ARHGAP10: variants seen among roughly 807,000 people sequenced by gnomAD.
The protein encoded by ARHGAP10 is rho GTPase-activating protein 10.
ARHGAP10 carries 87 observed loss-of-function variants against 108.6 expected under a neutral mutation model. The observed-to-expected ratio is 0.80, with a 90% CI of 0.67 to 0.96. The LOEUF (loss-of-function observed/expected upper bound fraction) is 0.96, where lower values mean the gene tolerates loss of function less well. ARHGAP10 is among the 40% of genes least tolerant of loss of function. ARHGAP10 has a pLI of 0.00. For missense variants in ARHGAP10, 939 were observed against 954.5 expected, an observed-to-expected ratio of 0.98 and a Z score of 0.21; for synonymous variants, 347 against 341.1, an observed-to-expected ratio of 1.02 and a Z score of -0.19.
At chr4:148,032,809 C>T (rs1203852700) in intron 19 of ARHGAP10, among the ~76,000 whole-genome samples, 1 of 152,070 alleles carries the variant, frequency 6.6e-6, no homozygotes, top group Non-Finnish European at 1.5e-5. Flanking sequence ...GGTGTAAGTC[C>T]AGGAGTCCAA....
At chr4:147,733,962 T>G (rs1433846933) in intron 1 of ARHGAP10, among the ~76,000 whole-genome samples, 1 of 151,466 alleles carries the variant, frequency 6.6e-6, no homozygotes, top group African/African-American at 2.4e-5. Context: ...GGTTGAGGGC[T>G]CTCCAGGCCC....
Position 148,010,337 on chromosome 4 carries a change from C to A in ARHGAP10, c.1717-12926C>A, listed in dbSNP as rs553413636. ...TTTAAATAGCAATGAACATTATGAT[C>A]TTGTGTCCTTTTATTAGTAATATTG... On this transcript the variant is annotated intron_variant, in intron 18 of 22. Coordinates refer to ENST00000336498, the MANE Select transcript of ARHGAP10 (RefSeq NM_024605.4). Among the ~76,000 whole-genome samples, 9 of 152,260 alleles carry A rather than the reference C, an allele frequency of 5.9e-5. No individual in the cohort carries two copies. The South Asian group carries it at 1.9e-3, about 32-fold the overall frequency.
chr4:147,909,653 T>A, intron 11 of ARHGAP10, 79 bp from the exon 12 acceptor site: 1 of 1,188,862 alleles, frequency 8.4e-7, no homozygotes, highest in African/African-American at 1.5e-5. Context: ...TTTTTTTTTG[T>A]ATGGTCCTCA....
intron 1 of ARHGAP10, among the ~76,000 whole-genome samples, chr4:147,742,549 T>C (rs1728724873): frequency 8.1e-6 from 1 of 123,622 alleles, no homozygotes; most frequent in Non-Finnish European, 1.6e-5. Flanking sequence ...AATGGCACAA[T>C]CTCGACTCAC....
intron 13 of ARHGAP10, among the ~76,000 whole-genome samples, chr4:147,921,115 G>T (rs921238632): frequency 2.6e-5 from 4 of 152,230 alleles, no homozygotes; most frequent in African/African-American, 9.6e-5. Context: ...ACTGATTCTG[G>T]ATAATAGGTT....
intron 3 of ARHGAP10, among the ~76,000 whole-genome samples, chr4:147,845,252 C>A (rs1733585131): frequency 6.6e-6 from 1 of 152,162 alleles, no homozygotes; most frequent in Admixed American, 6.5e-5. Context: ...TAATGCATTC[C>A]TCACTGTACT....
chr4:147,872,340 AAAAATTCAC>A (rs1249422280), intron 7 of ARHGAP10, among the ~76,000 whole-genome samples: 1 of 152,216 alleles, frequency 6.6e-6, no homozygotes, highest in Non-Finnish European at 1.5e-5. Flanking sequence ...CTGTCTGGGA[AAAAATTCAC>A]AAATTTGGAA....
chr4:147,953,044 GTTTTC>G (rs1738668986), intron 15 of ARHGAP10, among the ~76,000 whole-genome samples: 1 of 151,706 alleles, frequency 6.6e-6, no homozygotes, highest in Non-Finnish European at 1.5e-5. Flanking sequence ...TGATCATACA[GTTTTC>G]TTTTCATTTG....
chr4:147,912,031 GTGTGTGTGTA>G (rs1736764688), intron 12 of ARHGAP10, among the ~76,000 whole-genome samples: 1 of 96,910 alleles, frequency 1.0e-5, no homozygotes, highest in Non-Finnish European at 2.7e-5. Flanking sequence ...GTGTGTGTGT[GTGTGTGTGTA>G]TAGTTTTCTT....
intron 1 of ARHGAP10, among the ~76,000 whole-genome samples, chr4:147,784,325 T>C (rs1730711981): frequency 7.3e-6 from 1 of 136,754 alleles, no homozygotes; most frequent in Non-Finnish European, 1.5e-5. Flanking sequence ...TATTACATAA[T>C]TTACATAACA....
At chr4:147,888,080 A>G (rs963267162) in intron 10 of ARHGAP10, among the ~76,000 whole-genome samples, 1 of 151,988 alleles carries the variant, frequency 6.6e-6, no homozygotes, top group African/African-American at 2.4e-5. Flanking sequence ...ACTTGCTTCA[A>G]GGACATCACA....
intron 3 of ARHGAP10, among the ~76,000 whole-genome samples, chr4:147,826,330 C>T (rs768916702): frequency 6.6e-6 from 1 of 152,202 alleles, no homozygotes; most frequent in Non-Finnish European, 1.5e-5. Context: ...TAAGCTCCAG[C>T]TGTGATGGAG....
chr4:147,925,311 G>A (rs970216834), intron 13 of ARHGAP10, among the ~76,000 whole-genome samples: 1 of 152,172 alleles, frequency 6.6e-6, no homozygotes, highest in African/African-American at 2.4e-5. Context: ...GAGAGGCAGA[G>A]GGCAGCAGCG....
chr4:147,779,475 G>T (rs577739655), intron 1 of ARHGAP10, among the ~76,000 whole-genome samples: 42 of 147,056 alleles, frequency 2.9e-4, no homozygotes, highest in African/African-American at 1.0e-3. Flanking sequence ...GGGTCCTGAG[G>T]GGGGAAAGCA....
At chr4:147,775,501 C>A (rs1350029076) in intron 1 of ARHGAP10, among the ~76,000 whole-genome samples, 1 of 152,164 alleles carries the variant, frequency 6.6e-6, no homozygotes, top group Non-Finnish European at 1.5e-5. Context: ...GCCTATCAAG[C>A]CTTGCTCTCA....
chr4:147,757,642 C>T (rs1707098958), intron 1 of ARHGAP10, among the ~76,000 whole-genome samples: 2 of 152,316 alleles, frequency 1.3e-5, no homozygotes, highest in Middle Eastern at 6.8e-3. Flanking sequence ...TCTGCTTCCT[C>T]TGAACATTGG....
intron 1 of ARHGAP10, among the ~76,000 whole-genome samples, chr4:147,817,299 G>A (rs17023896): frequency 6.6e-6 from 1 of 152,064 alleles, no homozygotes; most frequent in African/African-American, 2.4e-5. Context: ...GGGTTATCCT[G>A]CACTGACAGT....
Position 147,866,768 on chromosome 4 carries a change from C to T in ARHGAP10, c.654C>T (p.Ala218=). Residue 218 remains alanine, a synonymous_variant, in exon 7 of 23, where the codon GCC becomes GCT. Transcript: ENST00000336498. ...FTFYHQGHEL[A]KDFNHYKMEL... is the part of the protein sequence containing the mutation. Reference sequence around the variant, plus strand: ...TCTATCATCAGGGCCATGAACTTGCCAAAGACTTCAATCACTACAAAATGG... The same window carrying T: ...TCTATCATCAGGGCCATGAACTTGCTAAAGACTTCAATCACTACAAAATGG... 1 of 1,613,774 alleles carries T rather than the reference C, an allele frequency of 6.2e-7. No homozygotes were observed. Among genetic ancestry groups the T allele is most frequent in the Non-Finnish European group, 8.5e-7 (1 of 1,179,824 alleles).
At chr4:148,068,149 C>T (rs566252583) in intron 22 of ARHGAP10, among the ~76,000 whole-genome samples, 15 of 152,216 alleles carry the variant, frequency 9.9e-5, no homozygotes, top group African/African-American at 3.4e-4. Context: ...CAGTCAGGTG[C>T]GCTCCAGTTA....
Sources: allele counts gnomAD v4.1 joint callset (sites outside exome capture counted in the v4.1 genomes callset), GRCh38; gene constraint gnomAD v4.1.1; transcripts MANE v1.5; gene names NCBI Gene and HGNC (gene_info 2026-07-23, HGNC 2026-07-21).